TMEM132D: variants seen among roughly 807,000 people sequenced by gnomAD.
The protein encoded by TMEM132D is transmembrane protein 132D, also known as mature OL transmembrane protein.
A neutral mutation model predicts 62.3 loss-of-function variants in TMEM132D; 21 were observed. That is an observed-to-expected ratio of 0.34 (90% confidence interval 0.24 to 0.49). The LOEUF (loss-of-function observed/expected upper bound fraction) is 0.49, where lower values mean the gene tolerates loss of function less well. TMEM132D is among the 20% of genes least tolerant of loss of function. The pLI is 0.99. For synonymous variants in TMEM132D, 621 were observed against 575.6 expected, an observed-to-expected ratio of 1.08 and a Z score of -1.13; for missense variants, 1,346 against 1,402.8, an observed-to-expected ratio of 0.96 and a Z score of 0.65.
chr12:129,347,094 G>T (rs1295546392), intron 3 of TMEM132D, among the ~76,000 whole-genome samples: 1 of 152,148 alleles, frequency 6.6e-6, no homozygotes, highest in Admixed American at 6.5e-5. Flanking sequence ...CATGCTCGTG[G>T]ATAGAAAGAA....
chr12:129,285,414 C>T lies in TMEM132D; in HGVS notation c.1299+52220G>A, dbSNP rs184128562. ...TGGTGGTGCATGCCTGTAATCCCAG[C>T]GACCCGGGAGGCTGAGGCAGGAAAA... On this transcript the variant is annotated intron_variant, in intron 4 of 8. Coordinates refer to ENST00000422113, the MANE Select transcript of TMEM132D (RefSeq NM_133448.3). Among the ~76,000 whole-genome samples, 550 of 151,470 alleles carry T rather than the reference C, an allele frequency of 3.6e-3. 1 individual carries two copies. Among genetic ancestry groups the T allele is most frequent in the African/African-American group, 0.013 (519 of 41,338 alleles).
At chr12:129,393,748 G>A (rs1391536051) in intron 3 of TMEM132D, among the ~76,000 whole-genome samples, 2 of 152,104 alleles carry the variant, frequency 1.3e-5, no homozygotes, top group African/African-American at 2.4e-5. Flanking sequence ...AGCAACCCAC[G>A]CCAAACTGAG....
intron 4 of TMEM132D, among the ~76,000 whole-genome samples, chr12:129,259,579 A>C (rs754050943): frequency 6.6e-6 from 1 of 152,142 alleles, no homozygotes; most frequent in Non-Finnish European, 1.5e-5. Context: ...GAAAGTTCAT[A>C]ACCTATCTTA....
At chr12:129,727,761 T>C (rs1438028258) in intron 1 of TMEM132D, among the ~76,000 whole-genome samples, 1 of 151,970 alleles carries the variant, frequency 6.6e-6, no homozygotes, top group Non-Finnish European at 1.5e-5. Context: ...GAAGTGTGGG[T>C]GGATTAATAG....
chr12:129,778,198 A>C (rs1340509037), intron 1 of TMEM132D, among the ~76,000 whole-genome samples: 1 of 145,054 alleles, frequency 6.9e-6, no homozygotes, highest in Non-Finnish European at 1.5e-5. Context: ...GAAAAAAAAA[A>C]CACAAATATT....
rs1351183621 is a variant in TMEM132D at position 129,779,362 on chromosome 12, C to G, written c.80-78664G>C. ...GGAGAGCAGTGGTGTTATCTCTGCT[C>G]ACTACAACCTCCACTTCCTGGGTTC... On this transcript the variant is annotated intron_variant, in intron 1 of 8. Coordinates refer to ENST00000422113, the MANE Select transcript of TMEM132D (RefSeq NM_133448.3). This position sits in a 1 kb window ranked among gnomAD's most constrained non-coding sequence, Gnocchi z 4.1. 6.6e-6 allele frequency among the ~76,000 whole-genome samples: 1 copy of G among 152,184 alleles called. No homozygotes were observed. The highest frequency in any genetic ancestry group is 2.1e-4 in the South Asian group (1 of 4,828).
intron 4 of TMEM132D, among the ~76,000 whole-genome samples, chr12:129,265,160 A>C (rs1880652713): frequency 6.6e-6 from 1 of 152,174 alleles, no homozygotes; most frequent in Admixed American, 6.5e-5. Flanking sequence ...ACACTCACCT[A>C]GGGGACAATC....
intron 3 of TMEM132D, among the ~76,000 whole-genome samples, chr12:129,399,111 G>A (rs1871522703): frequency 6.8e-6 from 1 of 147,240 alleles, no homozygotes; most frequent in South Asian, 2.1e-4. Flanking sequence ...CTTGTATCAG[G>A]AGCCCATTCC....
intron 4 of TMEM132D, among the ~76,000 whole-genome samples, chr12:129,226,818 C>T (rs565992834): frequency 2.0e-5 from 3 of 152,252 alleles, no homozygotes; most frequent in Non-Finnish European, 2.9e-5. Context: ...GCTGTCTGGA[C>T]TCAGCAACGA....
intron 1 of TMEM132D, among the ~76,000 whole-genome samples, chr12:129,719,538 T>C (rs1868734063): frequency 6.6e-6 from 1 of 152,226 alleles, no homozygotes; most frequent in Admixed American, 6.5e-5. Context: ...CTGTTTATTT[T>C]TCTAGGGAGA....
chr12:129,854,449 A>C (rs1222028905), intron 1 of TMEM132D: 6 of 152,252 alleles, frequency 3.9e-5, no homozygotes, highest in African/African-American at 1.4e-4. Context: ...CTGATCGCCA[A>C]GTGGGGCAAG....
At chr12:129,462,128 A>G (rs530397404) in intron 3 of TMEM132D, among the ~76,000 whole-genome samples, 1 of 152,310 alleles carries the variant, frequency 6.6e-6, no homozygotes, top group South Asian at 2.1e-4. Flanking sequence ...GTCCTTAGAC[A>G]GGAATGGTGG....
chr12:129,355,224 G>A (rs534799011), intron 3 of TMEM132D, among the ~76,000 whole-genome samples: 3 of 152,296 alleles, frequency 2.0e-5, no homozygotes, highest in Middle Eastern at 3.4e-3. Flanking sequence ...TGACCTCTGA[G>A]AGTAAGAACT....
chr12:129,276,867 G>A (rs1223589864), intron 4 of TMEM132D, among the ~76,000 whole-genome samples: 2 of 152,296 alleles, frequency 1.3e-5, no homozygotes, highest in East Asian at 3.9e-4. Flanking sequence ...TATGCAAAAT[G>A]CTCTGGGTAC....
chr12:129,881,949 G>A (rs895966429), intron 1 of TMEM132D, among the ~76,000 whole-genome samples: 7 of 151,862 alleles, frequency 4.6e-5, no homozygotes, highest in Non-Finnish European at 7.4e-5. Context: ...GGGAATTATC[G>A]CTACAGATCT....
intron 2 of TMEM132D, among the ~76,000 whole-genome samples, chr12:129,589,606 G>A (rs1050993788): frequency 6.6e-6 from 1 of 152,120 alleles, no homozygotes; most frequent in Non-Finnish European, 1.5e-5. Flanking sequence ...ATACCCTAGA[G>A]AAAGAACAGT....
intron 4 of TMEM132D, among the ~76,000 whole-genome samples, chr12:129,284,534 C>T (rs1177169115): frequency 3.9e-5 from 6 of 152,186 alleles, no homozygotes; most frequent in Admixed American, 6.5e-5. Flanking sequence ...AATATGGATT[C>T]GTATTTGTCC....
At chr12:129,746,354 T>C (rs1418370400) in intron 1 of TMEM132D, among the ~76,000 whole-genome samples, 1 of 152,156 alleles carries the variant, frequency 6.6e-6, no homozygotes, top group Non-Finnish European at 1.5e-5. Context: ...CTCTTCCTGC[T>C]GTGAGAGGAA....
chr12:129,540,008 T>C (rs1876541225), intron 2 of TMEM132D, among the ~76,000 whole-genome samples: 2 of 152,086 alleles, frequency 1.3e-5, no homozygotes, highest in Non-Finnish European at 2.9e-5. Flanking sequence ...CTCCTGTCTC[T>C]CCTGGAATAC....
Sources: gnomAD v4.1 joint callset for allele counts (sites outside exome capture counted in the v4.1 genomes callset) on GRCh38, gnomAD v4.1.1 for gene constraint, Gnocchi (gnomAD v3.1) non-coding constraint, MANE v1.5 for transcripts, NCBI Gene and HGNC (gene_info 2026-07-23, HGNC 2026-07-21) for gene names.